The following SLC8A1 variants were observed in gnomAD, a reference collection of about 807,000 sequenced individuals.
SLC8A1 encodes the protein sodium/calcium exchanger 1.
A neutral mutation model predicts 68.3 loss-of-function variants in SLC8A1; 18 were observed. That is an observed-to-expected ratio of 0.26 (90% confidence interval 0.18 to 0.39). The LOEUF (loss-of-function observed/expected upper bound fraction) is 0.39. Among genes scored for constraint, SLC8A1 ranks in the 10% least tolerant of loss-of-function variants. The pLI is 1.00. For synonymous variants in SLC8A1, 475 were observed against 415.5 expected (o/e 1.14, Z -1.74); for missense variants, 985 against 1,156.7 (o/e 0.85, Z 2.15).
At chr2:40,277,794 G>GTGTGTATATATATA (rs907874659) in intron 2 of SLC8A1, among the ~76,000 whole-genome samples, 1 of 108,008 alleles carries the variant, frequency 9.3e-6, no homozygotes, top group African/African-American at 3.3e-5. Flanking sequence ...ATATATGTGT[G>GTGTGTATATATATA]TATATATATA....
chr2:40,222,833 A>G (rs1017836436), intron 2 of SLC8A1, among the ~76,000 whole-genome samples: 2 of 152,254 alleles, frequency 1.3e-5, no homozygotes, highest in Admixed American at 6.5e-5. Flanking sequence ...ATCTCATGCC[A>G]GTTAGAATGG....
chr2:40,160,688 G>A, intron 6 of SLC8A1, 77 bp downstream of exon 9: 1 of 1,300,088 alleles, frequency 7.7e-7, no homozygotes, highest in Non-Finnish European at 1.1e-6. Context: ...CTTTGCCATA[G>A]ACCAAGTAGC....
rs1418266267 is a variant in SLC8A1, at chr2:40,387,513, T to C, written c.1808+40960A>G. Among the ~76,000 whole-genome samples the C allele has an allele frequency of 1.3e-5, 2 of 151,360 alleles. 1 individual carries two copies. Among genetic ancestry groups the C allele is most frequent in the African/African-American group, 4.9e-5 (2 of 40,726 alleles). Reference sequence around the variant, plus strand: ...ACAAACTACCTAAGAGTACCTTGATTATTCCTTCTGCATTGTTCTCACTGT... The same window carrying C: ...ACAAACTACCTAAGAGTACCTTGATCATTCCTTCTGCATTGTTCTCACTGT... On this transcript the variant is annotated intron_variant, in intron 2 of 7. Transcript: ENST00000406785.
intron 1 of SLC8A1, among the ~76,000 whole-genome samples, chr2:40,475,641 T>C (rs912369357): frequency 1.3e-5 from 2 of 152,084 alleles, no homozygotes; most frequent in Admixed American, 1.3e-4. Flanking sequence ...CACATACATG[T>C]ACACATGCAT....
intron 2 of SLC8A1, among the ~76,000 whole-genome samples, chr2:40,391,237 C>T (rs1685177640): frequency 7.4e-6 from 1 of 134,696 alleles, no homozygotes; most frequent in African/African-American, 2.9e-5. Context: ...TACATATGCA[C>T]ACTCACAAAT....
chr2:40,362,435 C>CA (rs1674895237), intron 2 of SLC8A1, among the ~76,000 whole-genome samples: 1 of 151,902 alleles, frequency 6.6e-6, no homozygotes, highest in African/African-American at 2.4e-5. Flanking sequence ...GACAAATTAC[C>CA]AACTACCAAA....
intron 1 of SLC8A1, chr2:40,446,281 A>T (rs557153416): frequency 5.9e-5 from 9 of 152,358 alleles, no homozygotes; most frequent in African/African-American, 2.2e-4. Context: ...TTTTGGTTTC[A>T]AGTATAAAAT....
At chr2:40,457,055 A>G (rs1359685501), upstream of SLC8A1, among the ~76,000 whole-genome samples, 2 of 152,160 alleles carry the variant, frequency 1.3e-5, no homozygotes, top group Non-Finnish European at 2.9e-5. Context: ...TATCAATTTG[A>G]TCTTATCTCT....
intron 2 of SLC8A1, among the ~76,000 whole-genome samples, chr2:40,216,012 C>CTT (rs61623694): frequency 0.12 from 17,113 of 143,720 alleles, 1,116 homozygotes; most frequent in Non-Finnish European, 0.13. Context: ...CCAGTGTATG[C>CTT]TTTTTTTTTT....
chr2:40,340,515 C>T (rs1180969767), intron 2 of SLC8A1, among the ~76,000 whole-genome samples: 6 of 152,074 alleles, frequency 3.9e-5, no homozygotes, highest in South Asian at 2.1e-4. Flanking sequence ...GAGCTGAGAT[C>T]GTGCGACTGC....
intron 6 of SLC8A1, among the ~76,000 whole-genome samples, chr2:40,147,822 T>C (rs2042733267): frequency 6.6e-6 from 1 of 152,230 alleles, no homozygotes; most frequent in Non-Finnish European, 1.5e-5. Context: ...GATTCATCTA[T>C]GAATGCAGGT....
chr2:40,115,250 C>A, exon 8 of SLC8A1: 1 of 1,597,006 alleles, frequency 6.3e-7, no homozygotes, highest in East Asian at 2.2e-5. Flanking sequence ...TCTGATAGTT[C>A]CTTTAGAAGC....
At chr2:40,206,741 G>A (rs751279824) in intron 2 of SLC8A1, among the ~76,000 whole-genome samples, 77 of 152,010 alleles carry the variant, frequency 5.1e-4, no homozygotes, top group Non-Finnish European at 1.0e-3. Flanking sequence ...GATCTACATG[G>A]TTGAGGGGGT....
chr2:40,197,525 A>G (rs1481493910), intron 2 of SLC8A1, among the ~76,000 whole-genome samples: 1 of 152,018 alleles, frequency 6.6e-6, no homozygotes, highest in East Asian at 1.9e-4. Context: ...AATTAAGCAG[A>G]CAGTTACGAT....
intron 2 of SLC8A1, among the ~76,000 whole-genome samples, chr2:40,294,137 C>G (rs2069877344): frequency 6.6e-6 from 1 of 152,066 alleles, no homozygotes; most frequent in Non-Finnish European, 1.5e-5. Flanking sequence ...TATGTGTATT[C>G]TTTGATGCAG....
rs139128096 is a variant in SLC8A1, at chr2:40,427,760, C to G, written c.1808+713G>C. Among the ~76,000 whole-genome samples, 412 of 152,256 alleles carry G rather than the reference C, an allele frequency of 2.7e-3. 1 individual carries two copies. The highest frequency in any genetic ancestry group is 8.4e-3 in the African/African-American group (349 of 41,568). On this transcript the variant is annotated intron_variant, in intron 2 of 7. Coordinates refer to ENST00000406785, the Ensembl canonical transcript of SLC8A1. Reference sequence around the variant, plus strand: ...GCTCCCTGACAACTAGACACGTGGACAGAACCTTATTTCTCTCTCCATCAC... The same window carrying G: ...GCTCCCTGACAACTAGACACGTGGAGAGAACCTTATTTCTCTCTCCATCAC...
At chr2:40,227,472 A>T (rs886152238) in intron 2 of SLC8A1, among the ~76,000 whole-genome samples, 1 of 152,034 alleles carries the variant, frequency 6.6e-6, no homozygotes, top group African/African-American at 2.4e-5. Flanking sequence ...AGGAACCGAA[A>T]ACCAAATACG....
chr2:40,458,513 C>T (rs1703156373), intron 1 of SLC8A1, among the ~76,000 whole-genome samples: 1 of 152,154 alleles, frequency 6.6e-6, no homozygotes, highest in Admixed American at 6.5e-5. Flanking sequence ...TGGCCTCTCT[C>T]CAGTGCAAAT....
At chr2:40,101,545 G>A (rs1304017149) in exon 8 of SLC8A1, 1 of 151,960 alleles carries the variant, frequency 6.6e-6, no homozygotes, top group Non-Finnish European at 1.5e-5. Context: ...GACTGGAGAG[G>A]CTGCCTCAGA....
Sources: allele counts gnomAD v4.1 joint callset (sites outside exome capture counted in the v4.1 genomes callset), GRCh38; gene constraint gnomAD v4.1.1; transcripts MANE v1.5; gene names NCBI Gene and HGNC (gene_info 2026-07-23, HGNC 2026-07-21).